GMDS: variants seen among roughly 807,000 people sequenced by gnomAD.
The protein encoded by GMDS is GDP-mannose 4,6 dehydratase.
Under a neutral mutation model 49.9 loss-of-function variants are expected in GMDS, and 20 were observed. The observed-to-expected ratio is 0.40, with a 90% CI of 0.28 to 0.58. GMDS has a LOEUF of 0.58. Ranked by LOEUF, GMDS falls within the 20% of genes least tolerant of loss-of-function variation. The pLI, the probability that GMDS is intolerant of heterozygous loss-of-function variation, is 0.42. For missense variants in GMDS, 362 were observed against 481.4 expected (o/e 0.75, Z 2.32); for synonymous variants, 177 against 178.6 (o/e 0.99, Z 0.07).
intron 6 of GMDS, among the ~76,000 whole-genome samples, chr6:1,939,783 A>G (rs193265401): frequency 6.6e-6 from 1 of 152,328 alleles, no homozygotes; most frequent in African/African-American, 2.4e-5. Flanking sequence ...GACATGAATA[A>G]TAGCCAATTT....
At chr6:1,627,735 C>G (rs1454536451) in intron 9 of GMDS, among the ~76,000 whole-genome samples, 1 of 152,112 alleles carries the variant, frequency 6.6e-6, no homozygotes, top group Non-Finnish European at 1.5e-5. Flanking sequence ...TACAGCTTCC[C>G]AAAAGGACTT....
chr6:2,151,894 C>T (rs1251894713), intron 1 of GMDS, among the ~76,000 whole-genome samples: 1 of 151,952 alleles, frequency 6.6e-6, no homozygotes, highest in East Asian at 1.9e-4. Flanking sequence ...TTAGATATAA[C>T]TATTATTTTT....
At chr6:1,650,650 A>G (rs1763621975) in intron 9 of GMDS, among the ~76,000 whole-genome samples, 1 of 152,150 alleles carries the variant, frequency 6.6e-6, no homozygotes, top group Non-Finnish European at 1.5e-5. Flanking sequence ...ATCTCAGCTC[A>G]CTGCAACCTC....
At chr6:1,636,767 C>G (rs566189059) in intron 9 of GMDS, among the ~76,000 whole-genome samples, 60 of 152,350 alleles carry the variant, frequency 3.9e-4, no homozygotes, top group Non-Finnish European at 7.6e-4. Context: ...CTTACCCGTA[C>G]CAGTGGGCCC....
At chr6:1,999,912 ATT>A (rs1491406244) in intron 4 of GMDS, among the ~76,000 whole-genome samples, 1 of 100,386 alleles carries the variant, frequency 1.0e-5, no homozygotes, top group Non-Finnish European at 1.9e-5. Context: ...TAATATATAT[ATT>A]ATATACATAT....
intron 7 of GMDS, among the ~76,000 whole-genome samples, chr6:1,893,430 G>A (rs1218621669): frequency 6.6e-6 from 1 of 152,040 alleles, no homozygotes; most frequent in African/African-American, 2.4e-5. Flanking sequence ...GACATTAGGT[G>A]ATCCGCCTGC....
At chr6:2,165,966 A>G (rs1456687399) in intron 1 of GMDS, among the ~76,000 whole-genome samples, 1 of 152,230 alleles carries the variant, frequency 6.6e-6, no homozygotes, top group Admixed American at 6.5e-5. Context: ...GAATCAAGGC[A>G]AATATTAGAA....
chr6:1,969,924 G>A (rs895546205), intron 4 of GMDS, among the ~76,000 whole-genome samples: 1 of 152,140 alleles, frequency 6.6e-6, no homozygotes, highest in African/African-American at 2.4e-5. Flanking sequence ...AAGAATACCT[G>A]CCACATGGAG....
chr6:1,741,088 A>G (rs1012901170), intron 8 of GMDS, among the ~76,000 whole-genome samples: 15 of 152,326 alleles, frequency 9.8e-5, no homozygotes, highest in African/African-American at 3.1e-4. Flanking sequence ...TTTATGGGGT[A>G]CATTTTGATA....
At chr6:1,702,002 T>G (rs6927943) in intron 9 of GMDS, among the ~76,000 whole-genome samples, 1 of 152,062 alleles carries the variant, frequency 6.6e-6, no homozygotes. Context: ...ATTTTTGCGA[T>G]GGGGGTGTGA....
chr6:1,977,173 G>A (rs1173593804), intron 4 of GMDS, among the ~76,000 whole-genome samples: 2 of 152,210 alleles, frequency 1.3e-5, no homozygotes, highest in African/African-American at 4.8e-5. Flanking sequence ...GCTATGAAAA[G>A]TAATTCCATT....
chr6:2,201,988 G>C (rs572047190), intron 1 of GMDS, among the ~76,000 whole-genome samples: 2 of 134,192 alleles, frequency 1.5e-5, no homozygotes, highest in East Asian at 2.4e-4. Context: ...TTAGCAGAGA[G>C]GTGAAGGATG....
At chr6:1,686,287 A>G (rs540033416) in intron 9 of GMDS, among the ~76,000 whole-genome samples, 1 of 152,376 alleles carries the variant, frequency 6.6e-6, no homozygotes, top group East Asian at 1.9e-4. Flanking sequence ...CCACAGAGGA[A>G]GGAATCCTGC....
At chr6:1,892,935 C>T (rs1220231061) in intron 7 of GMDS, among the ~76,000 whole-genome samples, 2 of 152,166 alleles carry the variant, frequency 1.3e-5, no homozygotes, top group Non-Finnish European at 2.9e-5. Context: ...GCTGCCTGGT[C>T]CTCTCCAGCG....
chr6:1,997,759 A>G (rs1766384916), intron 4 of GMDS, among the ~76,000 whole-genome samples: 1 of 152,122 alleles, frequency 6.6e-6, no homozygotes, highest in African/African-American at 2.4e-5. Context: ...GACAGCAAAC[A>G]GAGACTTCCA....
chr6:1,801,625 C>T (rs1429146276), intron 7 of GMDS, among the ~76,000 whole-genome samples: 1 of 152,204 alleles, frequency 6.6e-6, no homozygotes, highest in African/African-American at 2.4e-5. Context: ...AGGAATTTTC[C>T]CAGGGCTTAA....
chr6:1,817,510 T>C (rs1042543236), intron 7 of GMDS, among the ~76,000 whole-genome samples: 2 of 152,206 alleles, frequency 1.3e-5, no homozygotes, highest in Non-Finnish European at 2.9e-5. Context: ...TATAAATATC[T>C]AGGAATATAC....
intron 1 of GMDS, among the ~76,000 whole-genome samples, chr6:2,139,527 A>C (rs967360556): frequency 6.6e-6 from 1 of 152,202 alleles, no homozygotes; most frequent in Non-Finnish European, 1.5e-5. Flanking sequence ...GTTCCTGATC[A>C]TACGATGAGA....
At chr6:2,114,978 A>T (rs1260276870) in intron 4 of GMDS, among the ~76,000 whole-genome samples, 2 of 152,186 alleles carry the variant, frequency 1.3e-5, no homozygotes, top group Non-Finnish European at 2.9e-5. Flanking sequence ...CAAACAAAAA[A>T]AAACCTCATA....
Sources: allele counts gnomAD v4.1 joint callset (sites outside exome capture counted in the v4.1 genomes callset), GRCh38; gene constraint gnomAD v4.1.1; transcripts MANE v1.5; gene names NCBI Gene and HGNC (gene_info 2026-07-23, HGNC 2026-07-21).